ALG9: variants seen among roughly 807,000 people sequenced by gnomAD.
ALG9 encodes ALG9 alpha-1,2-mannosyltransferase.
In ALG9, 55 loss-of-function variants were observed where a neutral mutation model predicts 81.8. The ratio of observed to expected loss-of-function variants is 0.67; its 90% CI spans 0.54 to 0.84. The LOEUF (loss-of-function observed/expected upper bound fraction) is 0.84. Among genes scored for constraint, ALG9 ranks in the 40% least tolerant of loss-of-function variants. The pLI is 0.00. For synonymous variants in ALG9, 278 were observed against 274.3 expected (o/e 1.01, Z -0.13); for missense variants, 629 against 745.0 (o/e 0.84, Z 1.81).
chr11:111,838,696 T>C (rs1555120339), intron 10 of ALG9, among the ~76,000 whole-genome samples: 1 of 152,204 alleles, frequency 6.6e-6, no homozygotes. Flanking sequence ...GCAATGCTTT[T>C]TTGGTAGTTT....
chr11:111,770,415 G>A, the ALG9 span, among the ~76,000 whole-genome samples: 1 of 152,076 alleles, frequency 6.6e-6, no homozygotes. Context: ...GTGTCCAGAA[G>A]AAATCAAATG....
intron 14 of ALG9, among the ~76,000 whole-genome samples, chr11:111,791,384 G>A (rs1276608601): frequency 2.0e-5 from 3 of 152,196 alleles, no homozygotes; most frequent in African/African-American, 7.2e-5. Context: ...AAGTGTATAA[G>A]CAGCATTTAA....
chr11:111,855,525 C>G (rs782284063), intron 6 of ALG9, among the ~76,000 whole-genome samples: 4 of 152,130 alleles, frequency 2.6e-5, no homozygotes, highest in African/African-American at 4.8e-5. Context: ...TCAGGAGATA[C>G]AACCAATTAA....
At chr11:111,868,874 A>T (rs1459197474) in intron 2 of ALG9, 138 bp from the exon 3 acceptor site, 2 of 853,258 alleles carry the variant, frequency 2.3e-6, no homozygotes, top group Non-Finnish European at 3.3e-6. Flanking sequence ...TAATCCCAGC[A>T]CTTTGGGAGG....
At chr11:111,780,616 C>T (rs782786919), downstream of ALG9, among the ~76,000 whole-genome samples, 9 of 151,950 alleles carry the variant, frequency 5.9e-5, no homozygotes, top group Non-Finnish European at 1.0e-4. Flanking sequence ...AGGCTGGTCT[C>T]GAACTCTTGA....
At chr11:111,863,374 T>A (rs4936800) in intron 4 of ALG9, among the ~76,000 whole-genome samples, 41,574 of 151,962 alleles carry the variant, frequency 0.27, 5,944 homozygotes, top group Admixed American at 0.35. Context: ...ATAAAATATA[T>A]TAAAGTAAAT....
Position 111,870,382 on chromosome 11 carries a change from CAAAAAAAA to C in ALG9, c.132-20_132-13del, listed in dbSNP as rs60312459. On this transcript the variant is annotated splice_polypyrimidine_tract_variant and intron_variant, in intron 1 of 14. Coordinates refer to ENST00000616540, the MANE Select transcript of ALG9 (RefSeq NM_024740.2). ...TGTTCCCAGATAACCTGTTCAAAAGCAAAAAAAAAAAAAAAAAAAAAAGCATGTCAGGA... is the reference window on the plus strand; with the variant it reads ...TGTTCCCAGATAACCTGTTCAAAAGCAAAAAAAAAAAAAAGCATGTCAGGA... The C allele has an allele frequency of 1.4e-4, 133 of 969,072 alleles. No homozygotes were observed. The highest frequency in any genetic ancestry group is 5.7e-4 in the Admixed American group (6 of 10,546). 60.0% of individuals were successfully genotyped at this position (969,072 alleles called of 1,614,324 possible).
chr11:111,783,894 C>T lies in ALG9; in HGVS notation c.*2503G>A, dbSNP rs1181610652. Reference sequence around the variant, plus strand: ...CTGCATCAGTCCTGGCCTTTCTTTGCGCTATATTATAATTAAGGTTTTGTT... The same window carrying T: ...CTGCATCAGTCCTGGCCTTTCTTTGTGCTATATTATAATTAAGGTTTTGTT... On this transcript the variant is annotated 3_prime_UTR_variant, in exon 15 of 15. Coordinates refer to ENST00000616540, the MANE Select transcript of ALG9 (RefSeq NM_024740.2). The T allele has an allele frequency of 3.0e-5, 4 of 133,646 alleles. No individual in the cohort carries two copies. The highest frequency in any genetic ancestry group is 8.2e-5 in the African/African-American group (3 of 36,406). The allele number at this position is 133,646 out of a possible 1,614,324, so 8.3% of individuals were successfully genotyped here. A position where few individuals can be genotyped will look rare whatever the true frequency, so the allele number is the denominator to read the frequency against.
At chr11:111,816,245 A>G (rs1951458034) in intron 13 of ALG9, among the ~76,000 whole-genome samples, 1 of 152,218 alleles carries the variant, frequency 6.6e-6, no homozygotes, top group African/African-American at 2.4e-5. Flanking sequence ...GGCATCCTCA[A>G]AGCATTTATT....
chr11:111,769,153 A>AC, the ALG9 span: 2 of 150,766 alleles, frequency 1.3e-5, no homozygotes, highest in African/African-American at 4.9e-5. Flanking sequence ...AAAAAAAAAA[A>AC]AAAAAAACTT....
Position 111,836,195 on chromosome 11 carries a change from A to T in ALG9, c.1572T>A (p.Asn524Lys). ...TGGATGGCTCTTCTAGATTCTGGTC[A>T]TTCATGTCAGTAGGAACAATCCGGG... Reference protein sequence around the residue: ...LATRIVPTDMNDQNLEEPSRY... With the variant: ...LATRIVPTDMKDQNLEEPSRY... Residue 524 changes from asparagine to lysine, a missense_variant, in exon 13 of 15, where the codon AAT becomes AAA. Transcript: ENST00000616540. 1.2e-6 allele frequency: 2 copies of T among 1,614,014 alleles called. No homozygotes were observed. Among genetic ancestry groups the T allele is most frequent in the Non-Finnish European group, 1.7e-6 (2 of 1,179,898 alleles).
At chr11:111,865,288 G>A (rs1555151817) in intron 3 of ALG9, 37 bp from the exon 4 acceptor site, 2 of 1,486,224 alleles carry the variant, frequency 1.3e-6, no homozygotes, top group South Asian at 2.5e-5. Flanking sequence ...AGAAGTCACA[G>A]ATATGAGCTA....
chr11:111,815,638 T>G (rs553015592), intron 13 of ALG9, among the ~76,000 whole-genome samples: 1 of 152,300 alleles, frequency 6.6e-6, no homozygotes, highest in African/African-American at 2.4e-5. Context: ...CGGCCTAGAT[T>G]CAGGCCTGGG....
intron 5 of ALG9, among the ~76,000 whole-genome samples, chr11:111,858,274 A>G (rs1439534173): frequency 6.6e-6 from 1 of 152,010 alleles, no homozygotes; most frequent in South Asian, 2.1e-4. Flanking sequence ...CAATTATACA[A>G]TTCTAACCAT....
At position 111,784,435 on chromosome 11, in the gene ALG9, G is replaced by A. The variant is rs1337984798; in HGVS notation, c.*1962C>T. 6.6e-6 allele frequency: 1 copy of A among 152,150 alleles called. No homozygotes were observed. The highest frequency in any genetic ancestry group is 1.5e-5 in the Non-Finnish European group (1 of 68,044). The allele number at this position is 152,150 out of a possible 1,614,324, so 9.4% of individuals were successfully genotyped here. A position where few individuals can be genotyped will look rare whatever the true frequency, so the allele number is the denominator to read the frequency against. Reference sequence around the variant, plus strand: ...CCCTTCTCTTTGAAAATGAAAGATGGGGCTGGGTGCGGTGGCTCACGCCTG... The same window carrying A: ...CCCTTCTCTTTGAAAATGAAAGATGAGGCTGGGTGCGGTGGCTCACGCCTG... On this transcript the variant is annotated 3_prime_UTR_variant, in exon 15 of 15. Coordinates refer to ENST00000616540, the MANE Select transcript of ALG9 (RefSeq NM_024740.2).
chr11:111,835,188 A>C (rs542307450), intron 13 of ALG9, among the ~76,000 whole-genome samples: 1 of 152,364 alleles, frequency 6.6e-6, no homozygotes, highest in Admixed American at 6.5e-5. Flanking sequence ...AAACTGTTAC[A>C]TATTTCTTTA....
chr11:111,792,892 T>TA (rs1947641520), intron 14 of ALG9, among the ~76,000 whole-genome samples: 1 of 152,178 alleles, frequency 6.6e-6, no homozygotes, highest in African/African-American at 2.4e-5. Flanking sequence ...ACAAAGCCAC[T>TA]AACTAATTTC....
downstream of ALG9, among the ~76,000 whole-genome samples, chr11:111,781,210 GAAT>G (rs1945918101): frequency 2.0e-5 from 3 of 152,170 alleles, no homozygotes; most frequent in African/African-American, 7.2e-5. Context: ...CCTATAGGAA[GAAT>G]AATAATAACC....
chr11:111,825,573 C>T (rs1352478349), intron 13 of ALG9, among the ~76,000 whole-genome samples: 6 of 152,192 alleles, frequency 3.9e-5, no homozygotes, highest in Non-Finnish European at 8.8e-5. Context: ...TAATCAGCCT[C>T]TAAGACTCAA....
Sources: allele counts gnomAD v4.1 joint callset (sites outside exome capture counted in the v4.1 genomes callset), GRCh38; gene constraint gnomAD v4.1.1; transcripts MANE v1.5; gene names NCBI Gene and HGNC (gene_info 2026-07-23, HGNC 2026-07-21).